EPHA7: variants seen among roughly 807,000 people sequenced by gnomAD.
EPHA7 encodes the protein EPH receptor A7.
Under a neutral mutation model 112.6 loss-of-function variants are expected in EPHA7, and 25 were observed. The ratio of observed to expected loss-of-function variants is 0.22; its 90% CI spans 0.16 to 0.31. The LOEUF is 0.31. EPHA7 is among the 10% of genes least tolerant of loss of function. The pLI is 1.00. For missense variants in EPHA7, 962 were observed against 1,212.6 expected, an observed-to-expected ratio of 0.79 and a Z score of 3.07; for synonymous variants, 437 against 406.5, an observed-to-expected ratio of 1.07 and a Z score of -0.90.
intron 5 of EPHA7, among the ~76,000 whole-genome samples, chr6:93,316,117 C>T (rs970193995): frequency 2.0e-5 from 3 of 152,126 alleles, no homozygotes; most frequent in African/African-American, 4.8e-5. Flanking sequence ...AGGGCCTGCA[C>T]TGCTGTAGTT....
At chr6:93,297,807 G>A (rs1772751826) in intron 5 of EPHA7, among the ~76,000 whole-genome samples, 1 of 152,056 alleles carries the variant, frequency 6.6e-6, no homozygotes, top group African/African-American at 2.4e-5. Context: ...ACAAAGGCTT[G>A]AGCTAATTGC....
chr6:93,356,566 G>GT, intron 5 of EPHA7, 151 bp downstream of exon 5: 1 of 725,904 alleles, frequency 1.4e-6, no homozygotes, highest in Admixed American at 2.9e-5. Context: ...CACTAATGGT[G>GT]TAACAAGCAA....
chr6:93,335,846 A>G (rs1774841792), intron 5 of EPHA7, among the ~76,000 whole-genome samples: 1 of 152,132 alleles, frequency 6.6e-6, no homozygotes, highest in African/African-American at 2.4e-5. Flanking sequence ...GAAAGAGATC[A>G]TTAAAATTCA....
At position 93,263,875 on chromosome 6, in the gene EPHA7, C is replaced by G. The variant is rs1483753655; in HGVS notation, c.1783G>C (p.Glu595Gln). ...AAACACTTACAATGAAAGTAAAGCT[C>G]TTCATCGCCTTCTTGGTCAGCTTTG... is the stretch of plus-strand genomic sequence containing the variant. Reference protein sequence around the residue: ...YSKADQEGDEELYFHFKFPGT... With the variant: ...YSKADQEGDEQLYFHFKFPGT... Residue 595 changes from glutamate (E) to glutamine (Q), a missense_variant, in exon 9 of 17, where the codon GAG becomes CAG. Physicochemically the swap from Glu to Gln is conservative, Grantham distance 29. Around this residue, in one of 3 missense-constraint regions of EPHA7, gnomAD observed 746 missense variants for 889.2 expected, o/e 0.84. Coordinates refer to ENST00000369303, the MANE Select transcript of EPHA7 (RefSeq NM_004440.4). The G allele has an allele frequency of 6.2e-7, 1 of 1,609,336 alleles. No homozygotes were observed. The highest frequency in any genetic ancestry group is 1.3e-5 in the African/African-American group (1 of 74,702).
chr6:93,277,054 T>C (rs185557846), intron 5 of EPHA7, among the ~76,000 whole-genome samples: 58 of 152,154 alleles, frequency 3.8e-4, no homozygotes, highest in Admixed American at 2.8e-3. Context: ...AAAATAAAGA[T>C]ATCTCTGGAA....
In EPHA7 at chr6:93,402,193, C is replaced by T. The variant is rs1215251934; in HGVS notation, c.832+8308G>A. 9.9e-5 allele frequency among the ~76,000 whole-genome samples: 15 copies of T among 152,042 alleles called. No individual in the cohort carries two copies. In the East Asian group the frequency reaches 2.5e-3, roughly 26 times the overall value. ...CCTTCCGTATTTCCTTATGTTCTCC[C>T]CCCTTTCATCAGTTCTTTCTATCCT... is the stretch of plus-strand genomic sequence containing the variant. On this transcript the variant is annotated intron_variant, in intron 3 of 16. Coordinates refer to ENST00000369303, the MANE Select transcript of EPHA7 (RefSeq NM_004440.4).
chr6:93,367,649 C>T (rs924874075), intron 3 of EPHA7, among the ~76,000 whole-genome samples: 1 of 152,100 alleles, frequency 6.6e-6, no homozygotes, highest in African/African-American at 2.4e-5. Flanking sequence ...AGACTGGCTG[C>T]TCTCCTAGTA....
At chr6:93,293,189 T>G (rs1426593375) in intron 5 of EPHA7, among the ~76,000 whole-genome samples, 1 of 151,612 alleles carries the variant, frequency 6.6e-6, no homozygotes, top group East Asian at 1.9e-4. Flanking sequence ...ATATATAATT[T>G]TTTGTTATTC....
At position 93,247,610 on chromosome 6, in the gene EPHA7, A is replaced by G. The variant is rs62414214; in HGVS notation, c.2533-625T>C. On this transcript the variant is annotated intron_variant, in intron 14 of 16. Transcript: ENST00000369303. ...TACCTTACACTGGCAGATTGAAATC[A>G]GCGTGGGGGAAGGGTTACAGCAGGA... 9.2e-3 allele frequency among the ~76,000 whole-genome samples: 1,398 copies of G among 152,278 alleles called. 10 individuals carry two copies. The highest frequency in any genetic ancestry group is 0.015 in the Non-Finnish European group (1,019 of 68,024).
intron 5 of EPHA7, among the ~76,000 whole-genome samples, chr6:93,297,336 G>C (rs1179677993): frequency 1.3e-5 from 2 of 152,002 alleles, no homozygotes; most frequent in East Asian, 3.9e-4. Flanking sequence ...ACTAGGCATA[G>C]CTTATTTTTC....
chr6:93,257,560 C>G, intron 11 of EPHA7, 37 bp from the exon 12 acceptor site: 1 of 1,420,358 alleles, frequency 7.0e-7, no homozygotes, highest in South Asian at 1.2e-5. Flanking sequence ...GAGTCGTAAC[C>G]TGAGCTGGAG....
chr6:93,349,025 G>T (rs547406277), intron 5 of EPHA7, among the ~76,000 whole-genome samples: 14 of 151,664 alleles, frequency 9.2e-5, no homozygotes, highest in African/African-American at 1.2e-4. Context: ...TGATAAATTC[G>T]GAATGTGAAG....
At chr6:93,413,560 C>G (rs1779079365) in intron 2 of EPHA7, among the ~76,000 whole-genome samples, 2 of 151,776 alleles carry the variant, frequency 1.3e-5, no homozygotes, top group South Asian at 4.1e-4. Flanking sequence ...TTACAGAAAC[C>G]ACTTATCTCA....
At chr6:93,276,941 G>A (rs961567567) in intron 5 of EPHA7, among the ~76,000 whole-genome samples, 4 of 151,952 alleles carry the variant, frequency 2.6e-5, no homozygotes, top group South Asian at 2.1e-4. Context: ...AGTACAATGA[G>A]GTAAGATGGG....
intron 3 of EPHA7, among the ~76,000 whole-genome samples, chr6:93,399,857 G>A: frequency 6.6e-6 from 1 of 151,866 alleles, no homozygotes; most frequent in East Asian, 1.9e-4. Flanking sequence ...TATAAATGAG[G>A]ACTTTAGTTG....
At chr6:93,306,912 A>C (rs1273807947) in intron 5 of EPHA7, among the ~76,000 whole-genome samples, 1 of 152,018 alleles carries the variant, frequency 6.6e-6, no homozygotes, top group Non-Finnish European at 1.5e-5. Flanking sequence ...AGATGGATCA[A>C]ATAAATTCTA....
rs544088806 is a variant in EPHA7 at position 93,257,480 on chromosome 6, G to A, written c.2154C>T (p.Ala718=). 145 of 1,611,120 alleles carry A rather than the reference G, an allele frequency of 9.0e-5. No homozygotes were observed. The highest frequency in any genetic ancestry group is 1.8e-4 in the Admixed American group (11 of 59,812). ...TACTTACCCTGAGAAATGCATCTAG[G>A]GCTCCATTTTCCATGAACTCTATTA... ...MIVIEFMENG[A]LDAFLRKHDG... The change falls in exon 12 of 17, where the codon GCC becomes GCT. Residue 718 remains alanine (A), a synonymous_variant. Coordinates refer to ENST00000369303, the MANE Select transcript of EPHA7 (RefSeq NM_004440.4).
At chr6:93,384,847 A>G (rs550996520) in intron 3 of EPHA7, among the ~76,000 whole-genome samples, 37 of 152,298 alleles carry the variant, frequency 2.4e-4, no homozygotes, top group African/African-American at 7.9e-4. Flanking sequence ...CTTAAAACAA[A>G]CCTACTGAAT....
At chr6:93,297,804 C>A (rs1438000392) in intron 5 of EPHA7, among the ~76,000 whole-genome samples, 33 of 152,112 alleles carry the variant, frequency 2.2e-4, no homozygotes, top group Admixed American at 2.2e-3. Flanking sequence ...ACTACAAAGG[C>A]TTGAGCTAAT....
Sources: allele counts gnomAD v4.1 joint callset (sites outside exome capture counted in the v4.1 genomes callset), GRCh38; gene constraint gnomAD v4.1.1; regional missense constraint gnomAD v4.1.1; transcripts MANE v1.5; gene names NCBI Gene and HGNC (gene_info 2026-07-23, HGNC 2026-07-21).